ADAMDEC1: variants seen among roughly 807,000 people sequenced by gnomAD.
ADAMDEC1 encodes ADAM like decysin 1.
In ADAMDEC1, 62 loss-of-function variants were observed where a neutral mutation model predicts 60.4. The ratio of observed to expected loss-of-function variants is 1.03; its 90% confidence interval spans 0.84 to 1.27. The LOEUF is 1.27. Ranked by LOEUF, ADAMDEC1 falls within the 50% of genes most tolerant of loss-of-function variation. The pLI is 0.00. For missense variants in ADAMDEC1, 595 were observed against 565.0 expected (o/e 1.05, Z -0.54); for synonymous variants, 210 against 195.1 (o/e 1.08, Z -0.64).
intron 2 of ADAMDEC1, among the ~76,000 whole-genome samples, chr8:24,393,028 C>T (rs1563353781): frequency 6.6e-6 from 1 of 151,002 alleles, no homozygotes; most frequent in Non-Finnish European, 1.5e-5. Context: ...ATGAGAAGTC[C>T]CTATCTCACA....
At position 24,397,704 on chromosome 8, in the gene ADAMDEC1, C is replaced by T. The variant is rs201653393; in HGVS notation, c.649C>T (p.Gln217Ter). The stretch of plus-strand genomic sequence containing the variant: ...AAAGAAAGAAGACTTTCTTCGGGCA[C>T]AGAAATACATTGATCTCTATTTGGT... ...SPEKEDFLRA[Q>*]KYIDLYLVLD... is the part of the protein sequence containing the mutation. Residue 217 changes from glutamine (Q) to a stop codon, truncating the protein, a stop_gained, in exon 7 of 14, where the codon CAG becomes TAG. Transcript: ENST00000256412. LOFTEE classifies it high-confidence loss of function. 3.7e-6 allele frequency: 6 copies of T among 1,613,376 alleles called. No homozygotes were observed. The highest frequency in any genetic ancestry group is 1.1e-5 in the South Asian group (1 of 90,988).
intron 12 of ADAMDEC1, among the ~76,000 whole-genome samples, chr8:24,402,993 C>T (rs1327132592): frequency 6.6e-6 from 1 of 151,850 alleles, no homozygotes; most frequent in East Asian, 1.9e-4. Context: ...GGGTGGAAGA[C>T]AATTGAAGAT....
At chr8:24,394,580 C>T (rs976481799) in intron 4 of ADAMDEC1, among the ~76,000 whole-genome samples, 2 of 151,986 alleles carry the variant, frequency 1.3e-5, no homozygotes, top group African/African-American at 4.8e-5. Context: ...ATCATCATCC[C>T]GTAGACAATA....
At chr8:24,399,306 G>T in intron 9 of ADAMDEC1, 87 bp from the exon 10 acceptor site, 1 of 1,363,260 alleles carries the variant, frequency 7.3e-7, no homozygotes, top group Non-Finnish European at 1.0e-6. Context: ...GGCTAGGGCA[G>T]CGAGGCAATT....
chr8:24,397,206 T>C, intron 5 of ADAMDEC1, 64 bp from the exon 6 acceptor site: 1 of 1,492,474 alleles, frequency 6.7e-7, no homozygotes. Context: ...ATCAATCCAT[T>C]CTTGGAAGCA....
In ADAMDEC1 at chr8:24,398,495, G is replaced by A; in HGVS notation, c.706G>A (p.Glu236Lys). The A allele has an allele frequency of 6.3e-7, 1 of 1,590,744 alleles. No individual in the cohort carries two copies. Among genetic ancestry groups the A allele is most frequent in the Non-Finnish European group, 8.6e-7 (1 of 1,162,706 alleles). The change falls in exon 8 of 14, where the codon GAG becomes AAG. Residue 236 changes from glutamate (E) to lysine (K), a missense_variant. By Grantham distance (56) the Glu-to-Lys change is moderately conservative. Coordinates refer to ENST00000256412, the MANE Select transcript of ADAMDEC1 (RefSeq NM_014479.3). ...LDNAFYKNYN[E>K]NLTLIRSFVF... ...TATTTTACAGTATAAGAACTATAATGAGAATCTAACTCTGATAAGAAGCTT... is the reference window on the plus strand; with the variant it reads ...TATTTTACAGTATAAGAACTATAATAAGAATCTAACTCTGATAAGAAGCTT...
chr8:24,405,467 A>C lies in ADAMDEC1; in HGVS notation c.*169A>C. ...CAGGTAAACAGATGTAATTAGAGAC[A>C]TTGGCTCTTTGTTTAGGCCTAATCT... On this transcript the variant is annotated 3_prime_UTR_variant, in exon 14 of 14. Transcript: ENST00000256412. 8.1e-6 allele frequency: 5 copies of C among 619,006 alleles called. No individual in the cohort carries two copies. Among genetic ancestry groups the C allele is most frequent in the Middle Eastern group, 2.7e-4 (1 of 3,726 alleles). The allele number at this position is 619,006 out of a possible 1,614,324, so 38.3% of individuals were successfully genotyped here.
chr8:24,395,732 T>A lies in ADAMDEC1; in HGVS notation c.376T>A (p.Tyr126Asn), dbSNP rs752287507. 6.2e-7 allele frequency: 1 copy of A among 1,613,242 alleles called. No individual in the cohort carries two copies. The highest frequency in any genetic ancestry group is 1.7e-5 in the Admixed American group (1 of 59,984). The change falls in exon 5 of 14, where the codon TAT (tyrosine) becomes AAT (asparagine). Residue 126 changes from tyrosine (Y) to asparagine (N), a missense_variant. Tyr to Asn is a moderately radical substitution (Grantham distance 143). Transcript: ENST00000256412. ...TTTTCCACTCCAGGAACACTGTTACTATAAAGGAAACATCCTAAATGAAAA... is the reference window on the plus strand; with the variant it reads ...TTTTCCACTCCAGGAACACTGTTACAATAAAGGAAACATCCTAAATGAAAA... The part of the protein sequence containing the change: ...TKPENMEHCY[Y>N]KGNILNEKNS...
intron 10 of ADAMDEC1, 121 bp from the exon 11 acceptor site, chr8:24,400,049 C>G (rs1200407283): frequency 2.6e-6 from 2 of 758,334 alleles, no homozygotes; most frequent in Non-Finnish European, 3.9e-6. Context: ...TTGCAATACA[C>G]AGTGACAGGG....
At chr8:24,397,518 A>G in intron 6 of ADAMDEC1, 62 bp downstream of exon 6, 1 of 1,569,388 alleles carries the variant, frequency 6.4e-7, no homozygotes, top group Non-Finnish European at 8.7e-7. Context: ...TAGGCAATAT[A>G]CTACTATTCT....
chr8:24,396,901 G>A (rs930117219), intron 5 of ADAMDEC1, among the ~76,000 whole-genome samples: 2 of 152,102 alleles, frequency 1.3e-5, no homozygotes, highest in Non-Finnish European at 2.9e-5. Context: ...GTTCCCCTCT[G>A]GGGTTCTTGC....
chr8:24,404,164 G>A (rs1817833946), intron 13 of ADAMDEC1, 76 bp downstream of exon 13: 3 of 1,294,964 alleles, frequency 2.3e-6, no homozygotes, highest in Non-Finnish European at 3.3e-6. Flanking sequence ...ATGCCACTGG[G>A]TTCCATAATA....
At chr8:24,395,950 T>G (rs966454492) in intron 5 of ADAMDEC1, among the ~76,000 whole-genome samples, 154 bp downstream of exon 5, 5 of 152,170 alleles carry the variant, frequency 3.3e-5, no homozygotes, top group Non-Finnish European at 4.4e-5. Context: ...AGTATTACCC[T>G]GACAATCATT....
chr8:24,390,846 T>C (rs6990292), intron 1 of ADAMDEC1, among the ~76,000 whole-genome samples: 3,548 of 152,272 alleles, frequency 0.023, 135 homozygotes, highest in African/African-American at 0.082. Flanking sequence ...CTAAATCACA[T>C]TGTAATCTAC....
intron 3 of ADAMDEC1, 74 bp downstream of exon 3, chr8:24,393,412 A>G: frequency 1.9e-6 from 2 of 1,063,154 alleles, no homozygotes; most frequent in Non-Finnish European, 2.8e-6. Flanking sequence ...TTGAGGCTCC[A>G]TTTAGTGTGG....
In ADAMDEC1 at chr8:24,397,497, C is replaced by A. The variant is rs752476535; in HGVS notation, c.627+41C>A. Reference sequence around the variant, plus strand: ...TTACCTCATCATTTACTTCAATTGTCTCAGCAAAGATAGGCAATATACTAC... The same window carrying A: ...TTACCTCATCATTTACTTCAATTGTATCAGCAAAGATAGGCAATATACTAC... On this transcript the variant is annotated intron_variant, in intron 6 of 13. Transcript: ENST00000256412. 18 of 1,601,680 alleles carry A rather than the reference C, an allele frequency of 1.1e-5. No individual in the cohort carries two copies. In the South Asian group the frequency reaches 2.0e-4, roughly 18 times the overall value.
In ADAMDEC1 at chr8:24,402,019, A is replaced by G; in HGVS notation, c.1247A>G (p.Asn416Ser). ...CTGCTGCAAGCACCTATTCCTACAA[A>G]TATAATGACAACACCAGTGTGTGGG... ...KCLLQAPIPT[N>S]IMTTPVCGNH... The change falls in exon 12 of 14, where the codon AAT becomes AGT. Residue 416 changes from asparagine to serine, a missense_variant. By Grantham distance (46) the Asn-to-Ser change is conservative. Coordinates refer to ENST00000256412, the MANE Select transcript of ADAMDEC1 (RefSeq NM_014479.3). The G allele has an allele frequency of 1.2e-6, 2 of 1,613,392 alleles. No homozygotes were observed. The highest frequency in any genetic ancestry group is 2.2e-5 in the South Asian group (2 of 91,046).
intron 11 of ADAMDEC1, 66 bp downstream of exon 11, chr8:24,400,366 T>A (rs543506887): frequency 6.8e-7 from 1 of 1,461,542 alleles, no homozygotes; most frequent in Non-Finnish European, 9.2e-7. Context: ...TGAAGACACA[T>A]ATTATTCTCT....
chr8:24,385,242 T>C lies in ADAMDEC1; in HGVS notation c.88+650T>C, dbSNP rs139097781. 3.0e-3 allele frequency among the ~76,000 whole-genome samples: 464 copies of C among 152,264 alleles called. 5 individuals are homozygous for C. Among genetic ancestry groups the C allele is most frequent in the Middle Eastern group, 0.014 (4 of 294 alleles). ...CTACGTATTTCCATGTATAAACACA[T>C]TTGTGCTAAACCCTATATTGAAACA... On this transcript the variant is annotated intron_variant, in intron 1 of 13. Transcript: ENST00000256412.
Sources: allele counts gnomAD v4.1 joint callset (sites outside exome capture counted in the v4.1 genomes callset), GRCh38; gene constraint gnomAD v4.1.1; transcripts MANE v1.5; gene names NCBI Gene and HGNC (gene_info 2026-07-23, HGNC 2026-07-21).